PDE1C: variants seen among roughly 807,000 people sequenced by gnomAD.
PDE1C encodes phosphodiesterase 1C.
A neutral mutation model predicts 93.1 loss-of-function variants in PDE1C; 62 were observed. The observed-to-expected ratio is 0.67, with a 90% CI of 0.54 to 0.82. The LOEUF (loss-of-function observed/expected upper bound fraction) is 0.82. PDE1C is among the 40% of genes least tolerant of loss of function. PDE1C has a pLI of 0.00. For missense variants in PDE1C, 742 were observed against 884.6 expected (o/e 0.84, Z 2.04); for synonymous variants, 325 against 310.1 (o/e 1.05, Z -0.50).
chr7:32,090,098 C>T (rs1797382745), intron 3 of PDE1C, among the ~76,000 whole-genome samples: 1 of 152,098 alleles, frequency 6.6e-6, no homozygotes, highest in African/African-American at 2.4e-5. Flanking sequence ...GAAATGAAGA[C>T]AAGGGAGCTT....
the PDE1C span, chr7:31,707,363 T>C: frequency 8.2e-7 from 1 of 1,226,610 alleles, no homozygotes; most frequent in Non-Finnish European, 1.2e-6. Flanking sequence ...GACTTGTTTC[T>C]GCTCTCATTT....
intron 2 of PDE1C, among the ~76,000 whole-genome samples, chr7:31,907,239 C>T (rs573330874): frequency 6.6e-6 from 1 of 152,114 alleles, no homozygotes; most frequent in Non-Finnish European, 1.5e-5. Flanking sequence ...AATTAAGTCT[C>T]ATTCTCTGCA....
intron 2 of PDE1C, among the ~76,000 whole-genome samples, chr7:32,189,721 A>T (rs965700035): frequency 1.3e-5 from 2 of 152,170 alleles, no homozygotes; most frequent in Non-Finnish European, 1.5e-5. Context: ...GTTTGAAAGT[A>T]ATTGAAGATT....
intron 8 of PDE1C, 72 bp from the exon 9 acceptor site, chr7:31,848,168 G>C: frequency 6.8e-7 from 1 of 1,461,412 alleles, no homozygotes; most frequent in Non-Finnish European, 9.4e-7. Flanking sequence ...TAACAGGCTA[G>C]AACGCACCAC....
chr7:32,078,650 C>T (rs1489295797), intron 3 of PDE1C, among the ~76,000 whole-genome samples: 1 of 152,122 alleles, frequency 6.6e-6, no homozygotes, highest in East Asian at 1.9e-4. Context: ...CTTGGCCAGG[C>T]ATGGTAGCTC....
At chr7:31,956,110 G>A (rs778416075) in intron 2 of PDE1C, among the ~76,000 whole-genome samples, 10 of 149,088 alleles carry the variant, frequency 6.7e-5, no homozygotes, top group African/African-American at 1.3e-4. Flanking sequence ...TTTTCTCCCC[G>A]CTTTTTTTTT....
intron 2 of PDE1C, among the ~76,000 whole-genome samples, chr7:31,967,927 C>G (rs1810284302): frequency 6.6e-6 from 1 of 152,194 alleles, no homozygotes; most frequent in African/African-American, 2.4e-5. Context: ...GCTAAAAACT[C>G]TCCATAAATT....
intron 1 of PDE1C, among the ~76,000 whole-genome samples, chr7:32,059,974 G>A (rs1794611659): frequency 6.6e-6 from 1 of 152,092 alleles, no homozygotes; most frequent in Admixed American, 6.5e-5. Flanking sequence ...TTCTTCCTGG[G>A]AGCCCGTCTC....
the PDE1C span, among the ~76,000 whole-genome samples, chr7:31,690,069 T>C: frequency 2.0e-5 from 3 of 152,242 alleles, no homozygotes; most frequent in Admixed American, 2.0e-4. Flanking sequence ...TGTTTGATTA[T>C]TCAATTCATC....
chr7:32,209,349 A>C, intron 2 of PDE1C: 1 of 717,752 alleles, frequency 1.4e-6, no homozygotes, highest in South Asian at 2.0e-5. Flanking sequence ...CTCAAGTGGG[A>C]TGTTAACCAG....
chr7:31,770,979 CTA>C (rs1562765161), intron 17 of PDE1C, among the ~76,000 whole-genome samples: 1 of 152,128 alleles, frequency 6.6e-6, no homozygotes, highest in African/African-American at 2.4e-5. Flanking sequence ...ATTGCAATGA[CTA>C]TATGTTTGCT....
chr7:32,254,026 G>C (rs1026981122), intron 1 of PDE1C, among the ~76,000 whole-genome samples: 22 of 152,168 alleles, frequency 1.4e-4, no homozygotes, highest in African/African-American at 5.3e-4. Context: ...GAGGGAAATG[G>C]AAGAAGGCAG....
chr7:32,064,976 G>A (rs182939898), intron 1 of PDE1C, among the ~76,000 whole-genome samples: 227 of 144,714 alleles, frequency 1.6e-3, no homozygotes, highest in Non-Finnish European at 2.8e-3. Flanking sequence ...AGGCTCTTGG[G>A]AATTGATTAG....
chr7:32,027,607 TAA>T (rs551660766), intron 2 of PDE1C, among the ~76,000 whole-genome samples: 4 of 78,484 alleles, frequency 5.1e-5, no homozygotes, highest in African/African-American at 1.8e-4. Flanking sequence ...TCAAAAATGG[TAA>T]AAAAAAAAAA....
chr7:32,264,365 T>G (rs952926288), intron 1 of PDE1C, among the ~76,000 whole-genome samples: 6 of 152,226 alleles, frequency 3.9e-5, no homozygotes, highest in African/African-American at 1.4e-4. Context: ...GGCCGCTCTT[T>G]GAGGTAGGTA....
At chr7:32,341,464 C>T (rs1043962834) in intron 1 of PDE1C, among the ~76,000 whole-genome samples, 16 of 151,960 alleles carry the variant, frequency 1.1e-4, no homozygotes, top group African/African-American at 3.4e-4. Flanking sequence ...CGTGAGCCAC[C>T]GCGCCCGGCC....
the PDE1C span, among the ~76,000 whole-genome samples, chr7:31,699,157 C>T: frequency 2.6e-5 from 4 of 152,178 alleles, no homozygotes; most frequent in Non-Finnish European, 5.9e-5. Flanking sequence ...CAGAAGATGA[C>T]TTGCTCAGAA....
chr7:32,386,305 T>C (rs1784626912), intron 1 of PDE1C, among the ~76,000 whole-genome samples: 1 of 105,104 alleles, frequency 9.5e-6, no homozygotes. Context: ...AGTTAATAAT[T>C]TGGAGTATAT....
intron 3 of PDE1C, among the ~76,000 whole-genome samples, chr7:32,161,284 A>G (rs894878649): frequency 6.6e-6 from 1 of 152,190 alleles, no homozygotes; most frequent in African/African-American, 2.4e-5. Flanking sequence ...GCACACGGAT[A>G]GGAGGTTGGG....
Sources: allele counts gnomAD v4.1 joint callset (sites outside exome capture counted in the v4.1 genomes callset), GRCh38; gene constraint gnomAD v4.1.1; transcripts MANE v1.5; gene names NCBI Gene and HGNC (gene_info 2026-07-23, HGNC 2026-07-21).